IL1RAP: variants seen among roughly 807,000 people sequenced by gnomAD.
IL1RAP encodes the protein interleukin 1 receptor accessory protein, also known as interleukin-1 receptor accessory protein.
In IL1RAP, 35 loss-of-function variants were observed where a neutral mutation model predicts 60.7. That is an observed-to-expected ratio of 0.58 (90% CI 0.44 to 0.76). The LOEUF (loss-of-function observed/expected upper bound fraction) is 0.76. Among genes scored for constraint, IL1RAP ranks in the 30% least tolerant of loss-of-function variants. The probability of loss-of-function intolerance (pLI) is 0.00; values close to 1 mark genes in which losing one functional copy is unlikely to be tolerated. For synonymous variants in IL1RAP, 268 were observed against 250.9 expected (o/e 1.07, Z -0.64); for missense variants, 572 against 693.9 (o/e 0.82, Z 1.97).
rs144547985 is a variant in IL1RAP, at chr3:190,605,140, C to G, written c.350+727C>G. On this transcript the variant is annotated intron_variant, in intron 4 of 11. Coordinates refer to ENST00000447382, the MANE Select transcript of IL1RAP (RefSeq NM_002182.4). The stretch of plus-strand genomic sequence containing the variant: ...TATATGTATGACAATGCTTTTTAAA[C>G]TTCTACCAACTTTCCCCTAAGAAGC... 5.7e-3 allele frequency among the ~76,000 whole-genome samples: 875 copies of G among 152,210 alleles called. 8 individuals are homozygous for G. Among genetic ancestry groups the G allele is most frequent in the African/African-American group, 0.019 (800 of 41,532 alleles).
intron 1 of IL1RAP, among the ~76,000 whole-genome samples, chr3:190,523,688 G>T (rs1306742422): frequency 6.6e-6 from 1 of 152,122 alleles, no homozygotes; most frequent in Non-Finnish European, 1.5e-5. Flanking sequence ...TTTCGGTAAA[G>T]GACATAATCT....
At position 190,629,514 on chromosome 3, in the gene IL1RAP, A is replaced by C. The variant is rs769563293; in HGVS notation, c.1051+16A>C. ...AAGCAGAAAGGTAATAGATGCGGTC[A>C]GTGATGAATCTCTCAGCTCCAAATT... is the stretch of plus-strand genomic sequence containing the variant. On this transcript the variant is annotated intron_variant, in intron 9 of 11. Coordinates refer to ENST00000447382, the MANE Select transcript of IL1RAP (RefSeq NM_002182.4). The C allele has an allele frequency of 2.5e-6, 4 of 1,595,616 alleles. No individual in the cohort carries two copies.
At chr3:190,536,714 G>A (rs1430948230) in intron 1 of IL1RAP, among the ~76,000 whole-genome samples, 1 of 152,142 alleles carries the variant, frequency 6.6e-6, no homozygotes, top group East Asian at 1.9e-4. Flanking sequence ...TGCTACATAA[G>A]TGTGAATTAG....
chr3:190,577,090 G>A (rs1424678163), intron 3 of IL1RAP, among the ~76,000 whole-genome samples: 1 of 118,094 alleles, frequency 8.5e-6, no homozygotes, highest in Non-Finnish European at 1.6e-5. Context: ...GACAGAGCGA[G>A]ACTCCGTCTC....
At chr3:190,534,797 C>T (rs921501693) in intron 1 of IL1RAP, among the ~76,000 whole-genome samples, 1 of 151,842 alleles carries the variant, frequency 6.6e-6, no homozygotes, top group Admixed American at 6.6e-5. Context: ...TGAAAGTCAC[C>T]TCTCCTCCCT....
intron 5 of IL1RAP, among the ~76,000 whole-genome samples, chr3:190,618,316 A>G (rs1352105998): frequency 6.6e-6 from 1 of 152,218 alleles, no homozygotes; most frequent in East Asian, 1.9e-4. Flanking sequence ...CAAACTTTAC[A>G]TGTTTGGAAT....
chr3:190,647,911 T>C (rs928489943), intron 11 of IL1RAP, among the ~76,000 whole-genome samples: 2 of 152,204 alleles, frequency 1.3e-5, no homozygotes, highest in Non-Finnish European at 2.9e-5. Context: ...CCATTGGTAC[T>C]AGAGAGTTTA....
chr3:190,602,896 C>T (rs1040815738), intron 3 of IL1RAP, among the ~76,000 whole-genome samples: 5 of 152,060 alleles, frequency 3.3e-5, no homozygotes, highest in South Asian at 2.1e-4. Context: ...TTTTGTGGTC[C>T]GCAGGACTCC....
chr3:190,574,216 C>T (rs1346367219), intron 3 of IL1RAP, among the ~76,000 whole-genome samples: 3 of 151,774 alleles, frequency 2.0e-5, no homozygotes, highest in Non-Finnish European at 2.9e-5. Flanking sequence ...TGTGATTTTT[C>T]GTGTTGCAAA....
chr3:190,524,905 C>T (rs1722379124), intron 1 of IL1RAP, among the ~76,000 whole-genome samples: 1 of 151,896 alleles, frequency 6.6e-6, no homozygotes, highest in South Asian at 2.1e-4. Context: ...CATACATATA[C>T]ATATGTATAT....
chr3:190,630,450 A>C (rs137936189), intron 9 of IL1RAP, among the ~76,000 whole-genome samples: 15 of 152,290 alleles, frequency 9.8e-5, no homozygotes, highest in African/African-American at 3.4e-4. Flanking sequence ...TAGTCTATAG[A>C]GTGTGTAATA....
intron 1 of IL1RAP, among the ~76,000 whole-genome samples, chr3:190,522,363 TCTTC>T (rs1194868606): frequency 2.0e-5 from 3 of 150,702 alleles, no homozygotes; most frequent in Admixed American, 6.6e-5. Context: ...CCTTCGTTCC[TCTTC>T]CTTCCTTCCT....
intron 1 of IL1RAP, among the ~76,000 whole-genome samples, chr3:190,533,672 G>A (rs1378610168): frequency 6.6e-6 from 1 of 152,104 alleles, no homozygotes; most frequent in Non-Finnish European, 1.5e-5. Context: ...TGTGACCAGA[G>A]CACGTGGGAG....
At chr3:190,560,590 C>G (rs1261239872) in intron 2 of IL1RAP, among the ~76,000 whole-genome samples, 1 of 152,220 alleles carries the variant, frequency 6.6e-6, no homozygotes, top group African/African-American at 2.4e-5. Context: ...CAAATCCAGT[C>G]CTGTGATCTG....
chr3:190,542,393 C>T (rs890034829), intron 1 of IL1RAP, among the ~76,000 whole-genome samples: 3 of 152,100 alleles, frequency 2.0e-5, no homozygotes, highest in Admixed American at 6.6e-5. Context: ...ATTTCATCAT[C>T]TGTAAGACAG....
intron 1 of IL1RAP, among the ~76,000 whole-genome samples, chr3:190,535,486 A>G (rs1033290231): frequency 1.3e-5 from 2 of 151,874 alleles, no homozygotes; most frequent in Non-Finnish European, 2.9e-5. Context: ...AATTAGTGCT[A>G]TTTTTTTTCT....
At chr3:190,559,618 A>G (rs1725714907) in intron 2 of IL1RAP, among the ~76,000 whole-genome samples, 1 of 152,066 alleles carries the variant, frequency 6.6e-6, no homozygotes, top group South Asian at 2.1e-4. Flanking sequence ...TTCCCTTACA[A>G]CTTTCTTTTC....
intron 3 of IL1RAP, among the ~76,000 whole-genome samples, chr3:190,573,768 G>T (rs1727209557): frequency 6.6e-6 from 1 of 152,182 alleles, no homozygotes; most frequent in South Asian, 2.1e-4. Flanking sequence ...GCTAAACATG[G>T]CTTTAAATCT....
chr3:190,515,691 T>C (rs1257482703), intron 1 of IL1RAP, among the ~76,000 whole-genome samples: 6 of 152,018 alleles, frequency 3.9e-5, no homozygotes, highest in African/African-American at 1.4e-4. Flanking sequence ...AAGAGGGTCT[T>C]GAAATGGGTG....
Sources: allele counts gnomAD v4.1 joint callset (sites outside exome capture counted in the v4.1 genomes callset), GRCh38; gene constraint gnomAD v4.1.1; transcripts MANE v1.5; gene names NCBI Gene and HGNC (gene_info 2026-07-23, HGNC 2026-07-21).